Variants in CRMP1 observed in about 807,000 individuals in gnomAD.
CRMP1 encodes the protein dihydropyrimidinase-related protein 1.
In CRMP1, 19 loss-of-function variants were observed where a neutral mutation model predicts 68.3. That is an observed-to-expected ratio of 0.28 (90% confidence interval 0.19 to 0.41). The LOEUF (loss-of-function observed/expected upper bound fraction) is 0.41. Among genes scored for constraint, CRMP1 ranks in the 10% least tolerant of loss-of-function variants. The pLI, the probability that CRMP1 is intolerant of heterozygous loss-of-function variation, is 1.00. For missense variants in CRMP1, 791 were observed against 967.4 expected (o/e 0.82, Z 2.42); for synonymous variants, 439 against 399.6 (o/e 1.10, Z -1.18).
At chr4:5,823,391 C>A (rs1380715352) in intron 13 of CRMP1, among the ~76,000 whole-genome samples, 1 of 152,226 alleles carries the variant, frequency 6.6e-6, no homozygotes, top group South Asian at 2.1e-4. Flanking sequence ...TTTTTCCTTA[C>A]AACCATCTGT....
intron 1 of CRMP1, chr4:5,887,657 G>A (rs1715688712): frequency 1.0e-6 from 1 of 985,600 alleles, no homozygotes. Flanking sequence ...CGCCCCATTA[G>A]GTTATTTTTA....
intron 1 of CRMP1, among the ~76,000 whole-genome samples, chr4:5,869,750 C>A (rs899222561): frequency 6.6e-6 from 1 of 151,642 alleles, no homozygotes; most frequent in African/African-American, 2.4e-5. Flanking sequence ...GTAGGTGGTG[C>A]TCTGACATCA....
intron 2 of CRMP1, among the ~76,000 whole-genome samples, chr4:5,864,128 T>C (rs2152469113): frequency 6.6e-6 from 1 of 152,294 alleles, no homozygotes; most frequent in South Asian, 2.1e-4. Context: ...AGGCACTTAA[T>C]GAATGCAGCT....
At chr4:5,875,475 C>A (rs1042526824) in intron 1 of CRMP1, among the ~76,000 whole-genome samples, 1 of 151,608 alleles carries the variant, frequency 6.6e-6, no homozygotes, top group Admixed American at 6.6e-5. Flanking sequence ...GGTTTAGCAA[C>A]CTTGGCTATC....
At position 5,861,628 on chromosome 4, in the gene CRMP1, G is replaced by A. The variant is rs189151789; in HGVS notation, c.471-418C>T. ...GGTTAAATTCCAAATGGGGAAGGAG[G>A]GAAAAGAGCCTACGAAATGAGAAAC... On this transcript the variant is annotated intron_variant, in intron 2 of 13. Coordinates refer to ENST00000324989, the MANE Select transcript of CRMP1 (RefSeq NM_001014809.3). This position sits in a 1 kb window ranked among gnomAD's most constrained non-coding sequence, Gnocchi z 6.0. Among the ~76,000 whole-genome samples the A allele has an allele frequency of 6.6e-6, 1 of 152,118 alleles. No homozygotes were observed. Among genetic ancestry groups the A allele is most frequent in the African/African-American group, 2.4e-5 (1 of 41,436 alleles).
rs1016539722 is a variant in CRMP1, at chr4:5,828,787, CTA to C, written c.1624-121_1624-120del. 6.7e-6 allele frequency: 8 copies of C among 1,196,324 alleles called. No individual in the cohort carries two copies. The African/African-American group carries it at 1.1e-4, about 16-fold the overall frequency. 74.1% of individuals were successfully genotyped at this position (1,196,324 alleles called of 1,614,324 possible). On this transcript the variant is annotated intron_variant, in intron 11 of 13. Coordinates refer to ENST00000324989, the MANE Select transcript of CRMP1 (RefSeq NM_001014809.3). ...CGTGTTCCAATGTTTTTTTTTCTCT[CTA>C]AAAATACCTTTTATTGACTGTAATA... is the stretch of plus-strand genomic sequence containing the variant.
chr4:5,878,602 G>C (rs1715009728), intron 1 of CRMP1, among the ~76,000 whole-genome samples: 2 of 152,124 alleles, frequency 1.3e-5, no homozygotes, highest in African/African-American at 4.8e-5. Context: ...GCGATGTTTG[G>C]ATATGAATGC....
chr4:5,880,524 G>A (rs1190572900), intron 1 of CRMP1, among the ~76,000 whole-genome samples: 1 of 152,110 alleles, frequency 6.6e-6, no homozygotes, highest in South Asian at 2.1e-4. Flanking sequence ...CCAACACCAG[G>A]TCATTATTTA....
intron 1 of CRMP1, among the ~76,000 whole-genome samples, chr4:5,867,621 AGG>A (rs987274109): frequency 1.2e-4 from 19 of 152,068 alleles, no homozygotes; most frequent in African/African-American, 1.9e-4. Context: ...TCAGCTCCAG[AGG>A]GGACCAGGCA....
intron 11 of CRMP1, among the ~76,000 whole-genome samples, chr4:5,829,462 A>G (rs912240558): frequency 6.6e-6 from 1 of 152,184 alleles, no homozygotes; most frequent in African/African-American, 2.4e-5. Flanking sequence ...TTGTGTGTCA[A>G]CTGTCACCAG....
At position 5,888,906 on chromosome 4, in the gene CRMP1, C is replaced by T. The variant is rs1715807556; in HGVS notation, c.381+3683G>A. Among the ~76,000 whole-genome samples the T allele has an allele frequency of 6.6e-6, 1 of 151,894 alleles. No individual in the cohort carries two copies. The highest frequency in any genetic ancestry group is 2.4e-5 in the African/African-American group (1 of 41,338). ...GAACGTTCTTGTCCCTCCAGGATCG[C>T]GCCCAAGGACCGCTCCCCTCTTGCC... On this transcript the variant is annotated intron_variant, in intron 1 of 13. Transcript: ENST00000324989. This position sits in a 1 kb window ranked among gnomAD's most constrained non-coding sequence, Gnocchi z 6.4.
chr4:5,851,263 C>T (rs1013631309), intron 5 of CRMP1, 145 bp downstream of exon 5: 10 of 746,320 alleles, frequency 1.3e-5, no homozygotes, highest in African/African-American at 3.5e-5. Context: ...TGACTGACAC[C>T]GTATCACACA....
intron 1 of CRMP1, among the ~76,000 whole-genome samples, chr4:5,885,803 C>T (rs1276217933): frequency 6.6e-6 from 1 of 152,220 alleles, no homozygotes; most frequent in African/African-American, 2.4e-5. Flanking sequence ...TCCCACTCTT[C>T]CTGGCACCCA....
intron 1 of CRMP1, among the ~76,000 whole-genome samples, chr4:5,875,571 G>C (rs1027741641): frequency 6.6e-6 from 1 of 152,150 alleles, no homozygotes; most frequent in Non-Finnish European, 1.5e-5. Flanking sequence ...AATTTGAGCT[G>C]AGTTCCACAA....
In CRMP1 at chr4:5,870,614, T is replaced by C. The variant is rs115087738; in HGVS notation, c.382-3858A>G. ...TTCTTGACAGATGAATGGGTGAAGA[T>C]GGAGAGAAAGGCATCACAGCTGTGA... is the stretch of plus-strand genomic sequence containing the variant. On this transcript the variant is annotated intron_variant, in intron 1 of 13. Transcript: ENST00000324989. This position sits in a 1 kb window ranked among gnomAD's most constrained non-coding sequence, Gnocchi z 6.0. Among the ~76,000 whole-genome samples the C allele has an allele frequency of 2.8e-3, 432 of 152,240 alleles. 1 individual carries two copies. Among genetic ancestry groups the C allele is most frequent in the Non-Finnish European group, 4.7e-3 (318 of 68,012 alleles).
chr4:5,824,712 T>C, intron 13 of CRMP1: 1 of 981,402 alleles, frequency 1.0e-6, no homozygotes, highest in Non-Finnish European at 1.2e-6. Context: ...GCCTAAAGTA[T>C]TTACTATCCG....
Position 5,858,030 on chromosome 4 carries a change from T to C in CRMP1, c.656-1723A>G, listed in dbSNP as rs1289775215. 6.6e-6 allele frequency among the ~76,000 whole-genome samples: 1 copy of C among 152,158 alleles called. No homozygotes were observed. The highest frequency in any genetic ancestry group is 1.5e-5 in the Non-Finnish European group (1 of 68,022). The stretch of plus-strand genomic sequence containing the variant: ...ATCCACTTAAAGCATCAGGCTTTGC[T>C]AATATGACCCTCACATCTCTAGGTC... On this transcript the variant is annotated intron_variant, in intron 3 of 13. Transcript: ENST00000324989. This position sits in a 1 kb window ranked among gnomAD's most constrained non-coding sequence, Gnocchi z 5.5.
chr4:5,878,603 A>T (rs1329352793), intron 1 of CRMP1, among the ~76,000 whole-genome samples: 3 of 152,128 alleles, frequency 2.0e-5, no homozygotes, highest in Non-Finnish European at 4.4e-5. Flanking sequence ...CGATGTTTGG[A>T]TATGAATGCA....
chr4:5,888,189 A>T lies in CRMP1; in HGVS notation c.381+4400T>A. On this transcript the variant is annotated intron_variant, in intron 1 of 13. Coordinates refer to ENST00000324989, the MANE Select transcript of CRMP1 (RefSeq NM_001014809.3). The surrounding 1 kb of genome is among the most constrained non-coding windows in gnomAD (Gnocchi z 6.4). Reference sequence around the variant, plus strand: ...TGCCGGGCGCCCACTCCCAGCCCACAAAGGCCAGCGCGGGGCGGCGGGGGC... The same window carrying T: ...TGCCGGGCGCCCACTCCCAGCCCACTAAGGCCAGCGCGGGGCGGCGGGGGC... 2 of 1,247,022 alleles carry T rather than the reference A, an allele frequency of 1.6e-6. No homozygotes were observed. 77.2% of individuals were successfully genotyped at this position (1,247,022 alleles called of 1,614,324 possible). A position where few individuals can be genotyped will look rare whatever the true frequency, so the allele number is the denominator to read the frequency against.
Sources: allele counts gnomAD v4.1 joint callset (sites outside exome capture counted in the v4.1 genomes callset), GRCh38; gene constraint gnomAD v4.1.1; non-coding constraint Gnocchi (gnomAD v3.1); transcripts MANE v1.5; gene names NCBI Gene and HGNC (gene_info 2026-07-23, HGNC 2026-07-21).